Variants in DLG2 observed in about 807,000 individuals in gnomAD.
DLG2 encodes discs large MAGUK scaffold protein 2.
A neutral mutation model predicts 132.5 loss-of-function variants in DLG2; 45 were observed. That is an observed-to-expected ratio of 0.34 (90% confidence interval 0.27 to 0.44). The LOEUF (loss-of-function observed/expected upper bound fraction) is 0.44. Ranked by LOEUF, DLG2 falls within the 20% of genes least tolerant of loss-of-function variation. DLG2 has a pLI of 1.00. For missense variants in DLG2, 1,045 were observed against 1,196.9 expected, an observed-to-expected ratio of 0.87 and a Z score of 1.87; for synonymous variants, 424 against 419.6, an observed-to-expected ratio of 1.01 and a Z score of -0.13.
At chr11:85,544,444 C>G (rs1193414413) in intron 3 of DLG2, among the ~76,000 whole-genome samples, 1 of 152,138 alleles carries the variant, frequency 6.6e-6, no homozygotes, top group Non-Finnish European at 1.5e-5. Flanking sequence ...CAGCTTTGTC[C>G]TTTTTGCTTA....
At chr11:83,491,941 G>C (rs981278130) in intron 21 of DLG2, among the ~76,000 whole-genome samples, 3 of 152,008 alleles carry the variant, frequency 2.0e-5, no homozygotes, top group African/African-American at 7.2e-5. Context: ...TCAGTGACCT[G>C]TGGCCCATGA....
At chr11:83,575,002 A>G (rs981681471) in intron 19 of DLG2, among the ~76,000 whole-genome samples, 1 of 152,220 alleles carries the variant, frequency 6.6e-6, no homozygotes, top group African/African-American at 2.4e-5. Flanking sequence ...CCATATTCTA[A>G]GACTTGCCTA....
intron 6 of DLG2, among the ~76,000 whole-genome samples, chr11:84,685,976 C>T (rs1042566948): frequency 1.3e-5 from 2 of 152,154 alleles, no homozygotes; most frequent in East Asian, 1.9e-4. Context: ...CGTGAGCCAC[C>T]GCGCCCGGCC....
intron 7 of DLG2, among the ~76,000 whole-genome samples, chr11:84,307,874 T>G (rs2098242071): frequency 1.3e-5 from 2 of 151,342 alleles, no homozygotes; most frequent in Admixed American, 1.3e-4. Context: ...TCGCGGTGAG[T>G]GTTACAGCTC....
intron 7 of DLG2, among the ~76,000 whole-genome samples, chr11:84,291,561 G>C (rs1022466065): frequency 1.3e-5 from 2 of 151,990 alleles, no homozygotes; most frequent in Non-Finnish European, 2.9e-5. Flanking sequence ...AAACACATTA[G>C]AGCATGAGTT....
chr11:85,502,910 C>A (rs555440696), intron 3 of DLG2, among the ~76,000 whole-genome samples: 1 of 152,116 alleles, frequency 6.6e-6, no homozygotes, highest in East Asian at 1.9e-4. Context: ...ATAGCAAAGG[C>A]TGGAAACAAC....
chr11:84,096,886 A>T (rs1302250660), intron 10 of DLG2, among the ~76,000 whole-genome samples: 1 of 107,848 alleles, frequency 9.3e-6, no homozygotes, highest in Non-Finnish European at 2.0e-5. Flanking sequence ...TTGAAAAAAG[A>T]TGCACATTTA....
chr11:84,770,352 G>A (rs113026069), intron 6 of DLG2, among the ~76,000 whole-genome samples: 1 of 152,130 alleles, frequency 6.6e-6, no homozygotes, highest in South Asian at 2.1e-4. Context: ...GTGCAGGTTT[G>A]TTATATAGGT....
chr11:83,940,462 C>A (rs932851278), intron 14 of DLG2, among the ~76,000 whole-genome samples: 3 of 152,140 alleles, frequency 2.0e-5, no homozygotes, highest in Admixed American at 2.0e-4. Flanking sequence ...TCCCATGAAA[C>A]CTAAGACATA....
chr11:85,200,845 A>G (rs1373116200), intron 4 of DLG2, among the ~76,000 whole-genome samples: 1 of 151,962 alleles, frequency 6.6e-6, no homozygotes, highest in African/African-American at 2.4e-5. Flanking sequence ...CTGTTTGTGC[A>G]TATACTTGCT....
intron 3 of DLG2, among the ~76,000 whole-genome samples, chr11:85,400,842 T>G (rs2088005314): frequency 6.7e-6 from 1 of 148,560 alleles, no homozygotes; most frequent in South Asian, 2.1e-4. Flanking sequence ...AAATGACGAG[T>G]TAATGAGTGC....
chr11:85,306,710 C>A (rs1379999393), intron 3 of DLG2, among the ~76,000 whole-genome samples: 3 of 152,080 alleles, frequency 2.0e-5, no homozygotes, highest in Non-Finnish European at 4.4e-5. Flanking sequence ...GTAGCTGGGA[C>A]TACCAGCGCC....
chr11:84,403,974 T>G (rs1395696804), intron 7 of DLG2, among the ~76,000 whole-genome samples: 1 of 152,164 alleles, frequency 6.6e-6, no homozygotes, highest in African/African-American at 2.4e-5. Flanking sequence ...TCTTCTGCAT[T>G]TTTATCTAAT....
At chr11:85,323,572 A>G (rs946638852) in intron 3 of DLG2, among the ~76,000 whole-genome samples, 1 of 152,194 alleles carries the variant, frequency 6.6e-6, no homozygotes, top group Non-Finnish European at 1.5e-5. Context: ...TTCTCACTCT[A>G]CTGTGCTATC....
chr11:84,766,119 C>T (rs1217479503), intron 6 of DLG2, among the ~76,000 whole-genome samples: 2 of 151,940 alleles, frequency 1.3e-5, no homozygotes, highest in African/African-American at 4.8e-5. Context: ...GACACATCCA[C>T]CAGAGGGGGA....
At chr11:83,890,116 T>G (rs947379225) in intron 15 of DLG2, among the ~76,000 whole-genome samples, 2 of 151,614 alleles carry the variant, frequency 1.3e-5, no homozygotes, top group African/African-American at 4.8e-5. Flanking sequence ...ACAATAATAA[T>G]AATAAAAAAA....
At chr11:85,314,036 A>G (rs2152812359) in intron 3 of DLG2, among the ~76,000 whole-genome samples, 1 of 152,122 alleles carries the variant, frequency 6.6e-6, no homozygotes, top group Non-Finnish European at 1.5e-5. Context: ...AATGGCCCCA[A>G]AATGAAACAA....
At chr11:84,161,653 C>G (rs980860287) in intron 9 of DLG2, among the ~76,000 whole-genome samples, 11 of 152,200 alleles carry the variant, frequency 7.2e-5, no homozygotes, top group Admixed American at 3.3e-4. Flanking sequence ...ACCAGGGCAA[C>G]TAAATAGTGT....
At chr11:84,767,363 A>T (rs1317267126) in intron 6 of DLG2, among the ~76,000 whole-genome samples, 1 of 152,082 alleles carries the variant, frequency 6.6e-6, no homozygotes, top group African/African-American at 2.4e-5. Flanking sequence ...ACAAACAGTT[A>T]TTCCATAAAC....
Sources: allele counts gnomAD v4.1 joint callset (sites outside exome capture counted in the v4.1 genomes callset), GRCh38; gene constraint gnomAD v4.1.1; transcripts MANE v1.5; gene names NCBI Gene and HGNC (gene_info 2026-07-23, HGNC 2026-07-21).